Variants in VAV3 observed in about 807,000 individuals in gnomAD.
VAV3 encodes guanine nucleotide exchange factor VAV3.
Under a neutral mutation model 131.2 loss-of-function variants are expected in VAV3, and 94 were observed. The observed-to-expected ratio is 0.72, with a 90% CI of 0.61 to 0.85. The LOEUF (loss-of-function observed/expected upper bound fraction) is 0.85, where lower values mean the gene tolerates loss of function less well. VAV3 is among the 40% of genes least tolerant of loss of function. The probability of loss-of-function intolerance (pLI) is 0.00; values close to 1 mark genes in which losing one functional copy is unlikely to be tolerated. For synonymous variants in VAV3, 349 were observed against 342.0 expected (o/e 1.02, Z -0.22); for missense variants, 939 against 1,002.7 (o/e 0.94, Z 0.86).
intron 2 of VAV3, among the ~76,000 whole-genome samples, chr1:107,854,311 A>AAAAAT (rs1431574698): frequency 6.6e-6 from 1 of 152,214 alleles, no homozygotes; most frequent in Non-Finnish European, 1.5e-5. Flanking sequence ...CTCTGCCTAA[A>AAAAAT]AAAATAAAAT....
chr1:107,610,559 C>T (rs1223356255), intron 21 of VAV3, among the ~76,000 whole-genome samples: 1 of 152,028 alleles, frequency 6.6e-6, no homozygotes, highest in Admixed American at 6.6e-5. Context: ...ATTCCAAATT[C>T]TGATTTAAAA....
chr1:107,627,988 T>C (rs1654157633), intron 20 of VAV3, among the ~76,000 whole-genome samples: 2 of 149,556 alleles, frequency 1.3e-5, no homozygotes, highest in Non-Finnish European at 1.5e-5. Flanking sequence ...TGGAGTGCTC[T>C]AACCAGGCAG....
At chr1:107,876,118 G>A (rs1479715660) in intron 1 of VAV3, among the ~76,000 whole-genome samples, 6 of 152,142 alleles carry the variant, frequency 3.9e-5, no homozygotes, top group Non-Finnish European at 1.5e-5. Context: ...GGAAAACCAG[G>A]AGATAGGGTT....
chr1:107,635,080 G>C (rs1162787137), intron 20 of VAV3, among the ~76,000 whole-genome samples: 3 of 151,982 alleles, frequency 2.0e-5, no homozygotes, highest in Non-Finnish European at 2.9e-5. Flanking sequence ...CAGGGATCTA[G>C]AACTAGAAAT....
At chr1:107,761,011 CAG>C in intron 9 of VAV3, 132 bp from the exon 10 acceptor site, 1 of 520,938 alleles carries the variant, frequency 1.9e-6, no homozygotes, top group South Asian at 3.6e-5. Flanking sequence ...CTGTAAATAA[CAG>C]AAAGTATCTT....
chr1:107,885,013 T>C (rs1670966917), intron 1 of VAV3, among the ~76,000 whole-genome samples: 1 of 152,058 alleles, frequency 6.6e-6, no homozygotes, highest in Non-Finnish European at 1.5e-5. Context: ...GGAATAGCAG[T>C]GGTGGTCGTA....
intron 17 of VAV3, among the ~76,000 whole-genome samples, chr1:107,690,245 C>T (rs915392721): frequency 2.6e-5 from 4 of 152,086 alleles, no homozygotes; most frequent in Non-Finnish European, 5.9e-5. Context: ...GGCATAAAAC[C>T]TATGATAACC....
rs1274425535 is a variant in VAV3, at chr1:107,708,467, A to G, written c.1503-3406T>C. On this transcript the variant is annotated intron_variant, in intron 15 of 26. Coordinates refer to ENST00000370056, the MANE Select transcript of VAV3 (RefSeq NM_006113.5). ...ATTTCTTTTGCTTCACATAGAACTC[A>G]TTATGAATATAACTAATCAGGCAAT... Among the ~76,000 whole-genome samples the G allele has an allele frequency of 2.6e-5, 4 of 152,222 alleles. No homozygotes were observed. The East Asian group carries it at 7.7e-4, about 29-fold the overall frequency.
At chr1:107,964,620 TG>T in intron 1 of VAV3, 45 bp downstream of exon 1, 1 of 1,588,128 alleles carries the variant, frequency 6.3e-7, no homozygotes. Flanking sequence ...GCATGATTAA[TG>T]GGAGCTGCCG....
intron 1 of VAV3, among the ~76,000 whole-genome samples, chr1:107,942,686 C>A (rs1674059421): frequency 6.6e-6 from 1 of 152,148 alleles, no homozygotes; most frequent in Non-Finnish European, 1.5e-5. Context: ...CAAACCAATT[C>A]TACTTTCTCC....
intron 1 of VAV3, among the ~76,000 whole-genome samples, chr1:107,960,327 G>A (rs1400036510): frequency 3.3e-5 from 5 of 152,104 alleles, no homozygotes; most frequent in African/African-American, 4.8e-5. Context: ...GTAGCCGGGA[G>A]TAGTGGCACG....
chr1:107,854,029 C>CATAATAAATATGCTAGGGGCATATTA (rs1259980993), intron 2 of VAV3, among the ~76,000 whole-genome samples: 1 of 152,088 alleles, frequency 6.6e-6, no homozygotes, highest in Non-Finnish European at 1.5e-5. Flanking sequence ...ATGCTAGGGG[C>CATAATAAATATGCTAGGGGCATATTA]CAGGCATGGC....
chr1:107,794,351 TC>T (rs66493650), intron 2 of VAV3, among the ~76,000 whole-genome samples: 83,086 of 151,884 alleles, frequency 0.55, 23,150 homozygotes, highest in Non-Finnish European at 0.61. Flanking sequence ...TTCATCATTT[TC>T]TCCCTTCATC....
intron 15 of VAV3, among the ~76,000 whole-genome samples, chr1:107,712,945 G>A (rs1261685636): frequency 6.6e-6 from 1 of 152,144 alleles, no homozygotes; most frequent in East Asian, 1.9e-4. Context: ...GCAAGAGGAA[G>A]AATTTCGGGA....
chr1:107,936,057 G>T (rs114474046), intron 1 of VAV3, among the ~76,000 whole-genome samples: 11 of 152,242 alleles, frequency 7.2e-5, no homozygotes, highest in African/African-American at 2.6e-4. Context: ...AAAAGTAAAC[G>T]TAGGACATTA....
chr1:107,751,239 A>G (rs765044417), intron 12 of VAV3, 37 bp from the exon 13 acceptor site: 56 of 1,511,390 alleles, frequency 3.7e-5, no homozygotes, highest in Middle Eastern at 3.4e-4. Context: ...GTTTTTCATA[A>G]TCACATGAAA....
chr1:107,868,307 T>C (rs1213824950), intron 2 of VAV3, among the ~76,000 whole-genome samples: 2 of 152,176 alleles, frequency 1.3e-5, no homozygotes. Flanking sequence ...TACATATGTA[T>C]ATATGAAAAA....
At chr1:107,732,677 C>T (rs915893208) in intron 15 of VAV3, among the ~76,000 whole-genome samples, 1 of 152,214 alleles carries the variant, frequency 6.6e-6, no homozygotes, top group Admixed American at 6.5e-5. Context: ...TCTGCCATTG[C>T]TGAGGCCTGA....
At chr1:107,902,270 A>G (rs1334801662) in intron 1 of VAV3, among the ~76,000 whole-genome samples, 3 of 152,212 alleles carry the variant, frequency 2.0e-5, no homozygotes, top group Non-Finnish European at 1.5e-5. Context: ...TAAAGTGATT[A>G]AAAGGCCATC....
Sources: allele counts gnomAD v4.1 joint callset (sites outside exome capture counted in the v4.1 genomes callset), GRCh38; gene constraint gnomAD v4.1.1; transcripts MANE v1.5; gene names NCBI Gene and HGNC (gene_info 2026-07-23, HGNC 2026-07-21).